Variants in PPP1R9A observed in about 807,000 individuals in gnomAD.
The protein encoded by PPP1R9A is neurabin-1.
Under a neutral mutation model 141.9 loss-of-function variants are expected in PPP1R9A, and 59 were observed. The observed-to-expected ratio is 0.42, with a 90% confidence interval of 0.34 to 0.52. The LOEUF is 0.52. Ranked by LOEUF, PPP1R9A falls within the 20% of genes least tolerant of loss-of-function variation. The pLI is 0.10. For missense variants in PPP1R9A, 1,444 were observed against 1,611.9 expected (o/e 0.90, Z 1.78); for synonymous variants, 500 against 569.7 (o/e 0.88, Z 1.74).
chr7:95,202,644 T>C, intron 6 of PPP1R9A: 1 of 885,970 alleles, frequency 1.1e-6, no homozygotes, highest in South Asian at 5.2e-5. Context: ...GTATGATAAA[T>C]TTTTCAACTA....
At chr7:95,232,960 G>C (rs1009373641) in intron 8 of PPP1R9A, among the ~76,000 whole-genome samples, 5 of 152,164 alleles carry the variant, frequency 3.3e-5, no homozygotes, top group African/African-American at 7.2e-5. Context: ...AGACAGTGTG[G>C]TGATTCCTCA....
chr7:95,112,326 A>G (rs1820711683), intron 3 of PPP1R9A, among the ~76,000 whole-genome samples: 1 of 152,186 alleles, frequency 6.6e-6, no homozygotes, highest in Non-Finnish European at 1.5e-5. Flanking sequence ...CACATCACTA[A>G]TCATCAGAGA....
At chr7:95,241,067 T>C (rs1356763013) in intron 8 of PPP1R9A, among the ~76,000 whole-genome samples, 2 of 152,164 alleles carry the variant, frequency 1.3e-5, no homozygotes, top group Non-Finnish European at 2.9e-5. Flanking sequence ...GTCTGACATC[T>C]AGGGCAATTC....
At chr7:95,160,112 A>G (rs912326151) in intron 4 of PPP1R9A, among the ~76,000 whole-genome samples, 1 of 151,942 alleles carries the variant, frequency 6.6e-6, no homozygotes, top group Non-Finnish European at 1.5e-5. Context: ...ATAGAAATGT[A>G]AAAGTATTAT....
chr7:94,907,310 C>T (rs1250819341), upstream of PPP1R9A: 2 of 152,290 alleles, frequency 1.3e-5, no homozygotes, highest in Admixed American at 6.5e-5. Flanking sequence ...GCAGTGAGAT[C>T]TTAAGGTCAA....
At chr7:95,051,038 T>C (rs952426951) in intron 2 of PPP1R9A, among the ~76,000 whole-genome samples, 3 of 152,110 alleles carry the variant, frequency 2.0e-5, no homozygotes, top group Non-Finnish European at 4.4e-5. Flanking sequence ...CTATCCAGAG[T>C]TATCTAGATT....
At chr7:94,984,945 T>C (rs571965659) in intron 2 of PPP1R9A, among the ~76,000 whole-genome samples, 48 of 152,224 alleles carry the variant, frequency 3.2e-4, no homozygotes, top group Non-Finnish European at 6.2e-4. Context: ...TTTTTGATCT[T>C]TCCTGCTTTC....
At chr7:95,143,478 G>A (rs185607140) in intron 4 of PPP1R9A, among the ~76,000 whole-genome samples, 2 of 152,074 alleles carry the variant, frequency 1.3e-5, no homozygotes, top group African/African-American at 2.4e-5. Flanking sequence ...TTTTAAACAC[G>A]TACCCCCAGG....
intron 8 of PPP1R9A, among the ~76,000 whole-genome samples, chr7:95,240,795 T>A (rs1353511445): frequency 6.6e-6 from 1 of 152,146 alleles, no homozygotes; most frequent in Non-Finnish European, 1.5e-5. Context: ...CTTAAAATAT[T>A]TTTTTACTTA....
intron 7 of PPP1R9A, among the ~76,000 whole-genome samples, chr7:95,219,760 G>A (rs1794128460): frequency 6.6e-6 from 1 of 151,980 alleles, no homozygotes; most frequent in Non-Finnish European, 1.5e-5. Context: ...TATGAGATTG[G>A]TATCTTTTAC....
intron 7 of PPP1R9A, among the ~76,000 whole-genome samples, chr7:95,206,796 G>A (rs1483062286): frequency 1.3e-5 from 2 of 152,158 alleles, no homozygotes; most frequent in East Asian, 3.8e-4. Context: ...TAAATGTTAT[G>A]ATGATACTGT....
chr7:95,278,764 G>A (rs979701723), intron 16 of PPP1R9A, among the ~76,000 whole-genome samples: 3 of 152,128 alleles, frequency 2.0e-5, no homozygotes, highest in African/African-American at 7.2e-5. Context: ...CATCTTCATA[G>A]TAAGTATAAG....
Position 95,060,151 on chromosome 7 carries a change from A to G in PPP1R9A, c.1396-51108A>G, listed in dbSNP as rs1024302357. ...GCTCTGTAAGTACCATAGTGCCTTCACTCTAATGGAGCTATAGCCCTGCCT... is the reference window on the plus strand; with the variant it reads ...GCTCTGTAAGTACCATAGTGCCTTCGCTCTAATGGAGCTATAGCCCTGCCT... On this transcript the variant is annotated intron_variant, in intron 2 of 19. Coordinates refer to ENST00000433360, the MANE Select transcript of PPP1R9A (RefSeq NM_001166160.2). 5.9e-5 allele frequency among the ~76,000 whole-genome samples: 9 copies of G among 152,214 alleles called. No individual in the cohort carries two copies. In the East Asian group the frequency reaches 1.7e-3, roughly 30 times the overall value.
intron 2 of PPP1R9A, among the ~76,000 whole-genome samples, chr7:95,040,933 C>G (rs895283699): frequency 1.1e-4 from 16 of 152,138 alleles, no homozygotes; most frequent in Admixed American, 5.9e-4. Flanking sequence ...TAAAATCTAC[C>G]TCTTTAGCCT....
chr7:95,005,428 A>C (rs1399801408), intron 2 of PPP1R9A, among the ~76,000 whole-genome samples: 2 of 152,286 alleles, frequency 1.3e-5, no homozygotes, highest in East Asian at 3.9e-4. Context: ...CTTTTTAAAA[A>C]AGTTTAAAGA....
intron 16 of PPP1R9A, among the ~76,000 whole-genome samples, chr7:95,283,337 C>A (rs1365953351): frequency 1.3e-5 from 2 of 152,126 alleles, no homozygotes; most frequent in African/African-American, 4.8e-5. Flanking sequence ...TCTTAACAAA[C>A]ACATATGAGA....
chr7:95,061,689 T>C (rs1210008562), intron 2 of PPP1R9A, among the ~76,000 whole-genome samples: 1 of 152,142 alleles, frequency 6.6e-6, no homozygotes, highest in Admixed American at 6.5e-5. Context: ...TGGGCCATGA[T>C]TGTGCCACTG....
chr7:95,213,973 C>T (rs138896140), intron 7 of PPP1R9A, among the ~76,000 whole-genome samples: 2 of 152,276 alleles, frequency 1.3e-5, no homozygotes, highest in East Asian at 3.9e-4. Context: ...AATAAGCACG[C>T]TCCCTTCCAG....
rs182205364 is a variant in PPP1R9A, at chr7:94,956,748, C to T, written c.1395+45240C>T. ...TGGTATGTAGAGATGGTCAGCTCCC[C>T]GAAGGCAAATCTTATTATTATTTTT... On this transcript the variant is annotated intron_variant, in intron 2 of 19. Transcript: ENST00000433360. Among the ~76,000 whole-genome samples the T allele has an allele frequency of 3.8e-3, 584 of 152,054 alleles. 4 individuals are homozygous for T. Among genetic ancestry groups the T allele is most frequent in the African/African-American group, 0.013 (545 of 41,504 alleles).
Sources: allele counts gnomAD v4.1 joint callset (sites outside exome capture counted in the v4.1 genomes callset), GRCh38; gene constraint gnomAD v4.1.1; transcripts MANE v1.5; gene names NCBI Gene and HGNC (gene_info 2026-07-23, HGNC 2026-07-21).